The following RABGAP1 variants were observed in gnomAD, a reference collection of about 807,000 sequenced individuals.
The protein encoded by RABGAP1 is RAB GTPase activating protein 1.
RABGAP1 carries 23 observed loss-of-function variants against 137.6 expected under a neutral mutation model. That is an observed-to-expected ratio of 0.17 (90% confidence interval 0.12 to 0.24). The LOEUF is 0.24. RABGAP1 is among the 10% of genes least tolerant of loss of function. RABGAP1 has a pLI of 1.00. For missense variants in RABGAP1, 906 were observed against 1,275.8 expected, an observed-to-expected ratio of 0.71 and a Z score of 4.42; for synonymous variants, 451 against 450.7, an observed-to-expected ratio of 1.00 and a Z score of -0.01.
chr9:122,971,849 A>G (rs184938953), intron 2 of RABGAP1: 16 of 152,382 alleles, frequency 1.0e-4, no homozygotes, highest in East Asian at 3.9e-4. Context: ...TAAGTGTTCT[A>G]TAATAAGAGA....
chr9:122,996,681 C>A, intron 8 of RABGAP1, 76 bp downstream of exon 8: 1 of 1,215,782 alleles, frequency 8.2e-7, no homozygotes, highest in South Asian at 1.3e-5. Flanking sequence ...TCATCTGAAT[C>A]TAGTGTTAAA....
chr9:122,998,573 C>T (rs767250379), intron 9 of RABGAP1, 24 bp from the exon 10 acceptor site: 4 of 1,481,296 alleles, frequency 2.7e-6, no homozygotes, highest in East Asian at 4.7e-5. Flanking sequence ...TTTACCTCTT[C>T]AGCCTCTCTC....
chr9:123,027,274 C>T (rs905625249), intron 13 of RABGAP1, among the ~76,000 whole-genome samples: 2 of 152,062 alleles, frequency 1.3e-5, no homozygotes, highest in African/African-American at 4.8e-5. Context: ...TGCCACCATG[C>T]CCAGCTAATT....
At chr9:123,096,373 T>G (rs944816296) in intron 21 of RABGAP1, among the ~76,000 whole-genome samples, 1 of 149,260 alleles carries the variant, frequency 6.7e-6, no homozygotes, top group Non-Finnish European at 1.5e-5. Context: ...CCATGAAAAC[T>G]GGACTGGCTA....
intron 1 of RABGAP1, among the ~76,000 whole-genome samples, chr9:122,951,007 G>C (rs905864418): frequency 9.9e-5 from 15 of 152,134 alleles, no homozygotes; most frequent in African/African-American, 3.6e-4. Context: ...ATAATTCTTT[G>C]GGTTGTGAAA....
At chr9:122,951,988 G>GT (rs1472951432) in intron 1 of RABGAP1, among the ~76,000 whole-genome samples, 3 of 152,198 alleles carry the variant, frequency 2.0e-5, no homozygotes, top group African/African-American at 7.2e-5. Context: ...AGTTCATGGA[G>GT]TTTTGGTATA....
At chr9:123,075,516 C>T (rs946782430) in intron 17 of RABGAP1, among the ~76,000 whole-genome samples, 9 of 152,096 alleles carry the variant, frequency 5.9e-5, no homozygotes, top group East Asian at 3.8e-4. Context: ...CCAAATATGC[C>T]GTTTTTCTTA....
the RABGAP1 span, among the ~76,000 whole-genome samples, chr9:122,932,264 T>C: frequency 6.6e-6 from 1 of 152,282 alleles, no homozygotes; most frequent in South Asian, 2.1e-4. Context: ...ATGCGTAATG[T>C]TTATTACTTT....
chr9:123,049,128 T>G (rs1195522898), intron 13 of RABGAP1, among the ~76,000 whole-genome samples: 4 of 152,204 alleles, frequency 2.6e-5, no homozygotes, highest in Non-Finnish European at 5.9e-5. Context: ...TATTTCAACG[T>G]GTGGTATAGA....
intron 12 of RABGAP1, among the ~76,000 whole-genome samples, chr9:123,017,919 G>C (rs532212377): frequency 3.7e-4 from 57 of 152,292 alleles, no homozygotes; most frequent in Middle Eastern, 3.4e-3. Context: ...TGATCCCAAG[G>C]CTGGTTTATT....
In RABGAP1 at chr9:123,070,344, T is replaced by C; in HGVS notation, c.1909-6T>C. 1.2e-6 allele frequency: 2 copies of C among 1,613,972 alleles called. No individual in the cohort carries two copies. The highest frequency in any genetic ancestry group is 1.7e-6 in the Non-Finnish European group (2 of 1,179,938). ...TTACATTTCCTCTGTGTGTTTTATT[T>C]TCCAGGCTTATTCTGTGTATGATGA... On this transcript the variant is annotated splice_polypyrimidine_tract_variant and splice_region_variant and intron_variant, in intron 14 of 25. Coordinates refer to ENST00000373647, the MANE Select transcript of RABGAP1 (RefSeq NM_012197.4). This position sits in a 1 kb window ranked among gnomAD's most constrained non-coding sequence, Gnocchi z 4.4.
At chr9:123,099,669 C>T in intron 24 of RABGAP1, 120 bp downstream of exon 24, 3 of 783,516 alleles carry the variant, frequency 3.8e-6, no homozygotes, top group Non-Finnish European at 6.3e-6. Context: ...AATAAGGCAC[C>T]TGTCACAGGT....
At chr9:123,038,227 T>C (rs1258293546) in intron 13 of RABGAP1, among the ~76,000 whole-genome samples, 1 of 152,216 alleles carries the variant, frequency 6.6e-6, no homozygotes, top group Non-Finnish European at 1.5e-5. Flanking sequence ...CACGGGCCTA[T>C]TGACTCTTAC....
At chr9:123,084,718 ATT>A (rs1318285561) in intron 19 of RABGAP1, among the ~76,000 whole-genome samples, 2 of 152,222 alleles carry the variant, frequency 1.3e-5, no homozygotes, top group African/African-American at 4.8e-5. Flanking sequence ...AGTAGCTAAA[ATT>A]TATTGAAAAT....
rs371300081 is a variant in RABGAP1 at position 122,990,929 on chromosome 9, C to T, written c.923+716C>T. Among the ~76,000 whole-genome samples the T allele has an allele frequency of 1.7e-4, 25 of 145,264 alleles. No homozygotes were observed. The East Asian group carries it at 2.0e-3, about 12-fold the overall frequency. Reference sequence around the variant, plus strand: ...TGGTTGATTTACTTATATTAATAATCTAAAAATCTTAAGCCTTTTCAAGTC... The same window carrying T: ...TGGTTGATTTACTTATATTAATAATTTAAAAATCTTAAGCCTTTTCAAGTC... On this transcript the variant is annotated intron_variant, in intron 6 of 25. Transcript: ENST00000373647.
chr9:123,001,627 C>A (rs982299627), intron 10 of RABGAP1, among the ~76,000 whole-genome samples: 1 of 152,172 alleles, frequency 6.6e-6, no homozygotes, highest in Non-Finnish European at 1.5e-5. Flanking sequence ...TCATCTAGAA[C>A]TTGAATTTGG....
At chr9:123,096,935 A>G (rs919272593) in intron 21 of RABGAP1, among the ~76,000 whole-genome samples, 2 of 152,202 alleles carry the variant, frequency 1.3e-5, no homozygotes, top group African/African-American at 4.8e-5. Flanking sequence ...CAGGAAAGGA[A>G]ATAGAGTATA....
chr9:123,067,839 T>C (rs1372583941), intron 14 of RABGAP1, among the ~76,000 whole-genome samples: 1 of 152,224 alleles, frequency 6.6e-6, no homozygotes, highest in Non-Finnish European at 1.5e-5. Flanking sequence ...CACACGTATA[T>C]GATTCCTTTA....
chr9:123,032,464 G>T (rs1179509997), intron 13 of RABGAP1, among the ~76,000 whole-genome samples: 1 of 152,144 alleles, frequency 6.6e-6, no homozygotes, highest in Non-Finnish European at 1.5e-5. Flanking sequence ...TTTTTATTTT[G>T]GGGCTATGGC....
Sources: gnomAD v4.1 joint callset for allele counts (sites outside exome capture counted in the v4.1 genomes callset) on GRCh38, gnomAD v4.1.1 for gene constraint, Gnocchi (gnomAD v3.1) non-coding constraint, MANE v1.5 for transcripts, NCBI Gene and HGNC (gene_info 2026-07-23, HGNC 2026-07-21) for gene names.